ADGRG6: variants seen among roughly 807,000 people sequenced by gnomAD.
ADGRG6 encodes the protein G-protein coupled receptor 126.
ADGRG6 carries 84 observed loss-of-function variants against 142.4 expected under a neutral mutation model. The ratio of observed to expected loss-of-function variants is 0.59; its 90% CI spans 0.49 to 0.71. The LOEUF is 0.71. Among genes scored for constraint, ADGRG6 ranks in the 30% least tolerant of loss-of-function variants. ADGRG6 has a pLI of 0.00. For synonymous variants in ADGRG6, 521 were observed against 520.5 expected (o/e 1.00, Z -0.01); for missense variants, 1,367 against 1,466.6 (o/e 0.93, Z 1.11).
In ADGRG6 at chr6:142,420,184, C is replaced by T; in HGVS notation, c.3319+80C>T. On this transcript the variant is annotated intron_variant, in intron 22 of 24. Transcript: ENST00000367609. ...AGCAGCTTCACTTTTGGACAGATGC[C>T]ATGTTAAGTTTCTGTGTCACTATTT... 4 of 1,078,970 alleles carry T rather than the reference C, an allele frequency of 3.7e-6. 1 individual carries two copies. In the South Asian group the frequency reaches 5.9e-5, roughly 16 times the overall value. The allele number at this position is 1,078,970 out of a possible 1,614,324, so 66.8% of individuals were successfully genotyped here. A position where few individuals can be genotyped will look rare whatever the true frequency, so the allele number is the denominator to read the frequency against.
intron 2 of ADGRG6, among the ~76,000 whole-genome samples, chr6:142,353,072 G>C (rs1780266886): frequency 6.6e-6 from 1 of 152,030 alleles, no homozygotes; most frequent in Admixed American, 6.5e-5. Flanking sequence ...ATGAACTCAA[G>C]GTAAGTGGGT....
chr6:142,384,404 A>G (rs1175387914), intron 6 of ADGRG6, among the ~76,000 whole-genome samples: 1 of 152,150 alleles, frequency 6.6e-6, no homozygotes, highest in East Asian at 1.9e-4. Context: ...TTGAATGACA[A>G]CTTCAAATAC....
chr6:142,413,899 T>TCTCACACACACACACA (rs200677950), intron 18 of ADGRG6, among the ~76,000 whole-genome samples: 28 of 141,486 alleles, frequency 2.0e-4, no homozygotes, highest in African/African-American at 5.8e-4. Context: ...CATTTCTTTA[T>TCTCACACACACACACA]CACACACACA....
chr6:142,426,330 G>T (rs1198424045), intron 22 of ADGRG6, among the ~76,000 whole-genome samples: 1 of 152,160 alleles, frequency 6.6e-6, no homozygotes, highest in African/African-American at 2.4e-5. Flanking sequence ...CCAAAATAAA[G>T]GGGCTACAGG....
intron 2 of ADGRG6, among the ~76,000 whole-genome samples, chr6:142,339,551 A>G (rs531392089): frequency 6.6e-6 from 1 of 152,246 alleles, no homozygotes; most frequent in South Asian, 2.1e-4. Context: ...TCTGGATTTG[A>G]CATTGTATGT....
At chr6:142,343,132 T>C (rs993489933) in intron 2 of ADGRG6, among the ~76,000 whole-genome samples, 1 of 151,886 alleles carries the variant, frequency 6.6e-6, no homozygotes, top group African/African-American at 2.4e-5. Context: ...GATATGTGCT[T>C]TTGACAAATA....
chr6:142,305,414 C>CCCA (rs2114485486), intron 1 of ADGRG6, among the ~76,000 whole-genome samples: 1 of 144,980 alleles, frequency 6.9e-6, no homozygotes, highest in South Asian at 2.2e-4. Flanking sequence ...TGCCCCCCCC[C>CCCA]ACGAGCCCCT....
chr6:142,380,941 T>C (rs1781742098), intron 4 of ADGRG6, among the ~76,000 whole-genome samples: 1 of 152,242 alleles, frequency 6.6e-6, no homozygotes, highest in Admixed American at 6.5e-5. Flanking sequence ...CAAGAGCTTC[T>C]TGCCAGTCAG....
At chr6:142,368,743 A>G (rs1034808913) in intron 3 of ADGRG6, among the ~76,000 whole-genome samples, 1 of 152,170 alleles carries the variant, frequency 6.6e-6, no homozygotes, top group Admixed American at 6.5e-5. Context: ...TGTGTTTACC[A>G]TGGTTAAAAC....
chr6:142,439,810 GAATACCTGTGTAAAT>G (rs973204916), intron 24 of ADGRG6, among the ~76,000 whole-genome samples: 147 of 152,278 alleles, frequency 9.7e-4, no homozygotes, highest in African/African-American at 3.5e-3. Context: ...CTCTGCTTAA[GAATACCTGTGTAAAT>G]AAATTGATAA....
rs1781005144 is a variant in ADGRG6, at chr6:142,367,577, TGTGC to T, written c.113_116del (p.Cys38SerfsTer43). ...TTTTGTCTGGCCAGCAGTGTGGGGA[TGTGC>T]CAACTGCCGAGTGGTTTTGTCCAAC... On this transcript the variant is annotated frameshift_variant, in exon 3 of 25. Coordinates refer to ENST00000367609, the MANE Select transcript of ADGRG6 (RefSeq NM_198569.3). LOFTEE classifies it high-confidence loss of function. 6.2e-7 allele frequency: 1 copy of T among 1,613,102 alleles called. No homozygotes were observed. Among genetic ancestry groups the T allele is most frequent in the Non-Finnish European group, 8.5e-7 (1 of 1,179,298 alleles).
At chr6:142,350,474 C>T (rs535392314) in intron 2 of ADGRG6, among the ~76,000 whole-genome samples, 2 of 152,246 alleles carry the variant, frequency 1.3e-5, no homozygotes, top group East Asian at 3.9e-4. Flanking sequence ...CAAGATGAAA[C>T]AACTCATAAA....
intron 2 of ADGRG6, among the ~76,000 whole-genome samples, chr6:142,363,947 C>G (rs1780831403): frequency 6.6e-6 from 1 of 151,252 alleles, no homozygotes; most frequent in African/African-American, 2.4e-5. Context: ...TAAAAAACGT[C>G]TCTTAAAGAA....
chr6:142,367,372 CT>C (rs1369515488), intron 2 of ADGRG6, among the ~76,000 whole-genome samples, 196 bp from the exon 3 acceptor site: 2 of 152,122 alleles, frequency 1.3e-5, no homozygotes, highest in Non-Finnish European at 2.9e-5. Flanking sequence ...TTTTTTGTTT[CT>C]CTTTTACTTT....
chr6:142,439,729 T>C (rs1777651853), intron 24 of ADGRG6, among the ~76,000 whole-genome samples: 1 of 152,102 alleles, frequency 6.6e-6, no homozygotes, highest in Non-Finnish European at 1.5e-5. Context: ...GTTGATTCTC[T>C]TCCAGAAAAA....
chr6:142,415,183 A>G, intron 19 of ADGRG6, 87 bp downstream of exon 19: 1 of 1,012,794 alleles, frequency 9.9e-7, no homozygotes, highest in Admixed American at 2.2e-5. Context: ...AAACATTTAT[A>G]CACTGTAGGG....
chr6:142,394,840 GC>G (rs76166170), intron 9 of ADGRG6, among the ~76,000 whole-genome samples: 13,068 of 151,518 alleles, frequency 0.086, 654 homozygotes, highest in East Asian at 0.25. Flanking sequence ...TCCTGTCTCA[GC>G]CCCCCCCAGA....
At chr6:142,372,842 C>T (rs1437721203) in intron 4 of ADGRG6, among the ~76,000 whole-genome samples, 1 of 152,142 alleles carries the variant, frequency 6.6e-6, no homozygotes, top group Non-Finnish European at 1.5e-5. Context: ...TCTCTTTTCA[C>T]CATAGACTGG....
intron 2 of ADGRG6, among the ~76,000 whole-genome samples, chr6:142,342,447 T>A (rs537029471): frequency 1.3e-5 from 2 of 152,250 alleles, no homozygotes; most frequent in South Asian, 4.1e-4. Context: ...TACAGTATAT[T>A]CTTTGAAAAT....
Sources: gnomAD v4.1 joint callset for allele counts (sites outside exome capture counted in the v4.1 genomes callset) on GRCh38, gnomAD v4.1.1 for gene constraint, MANE v1.5 for transcripts, NCBI Gene and HGNC (gene_info 2026-07-23, HGNC 2026-07-21) for gene names.